POU3F2: variants seen among roughly 807,000 people sequenced by gnomAD.
The protein encoded by POU3F2 is POU domain, class 3, transcription factor 2.
Under a neutral mutation model 33.1 loss-of-function variants are expected in POU3F2, and 11 were observed. The ratio of observed to expected loss-of-function variants is 0.33; its 90% CI spans 0.21 to 0.55. The LOEUF is 0.55. Among genes scored for constraint, POU3F2 ranks in the 20% least tolerant of loss-of-function variants. The pLI is 0.91. For missense variants in POU3F2, 456 were observed against 620.2 expected, an observed-to-expected ratio of 0.74 and a Z score of 2.81; for synonymous variants, 332 against 289.6, an observed-to-expected ratio of 1.15 and a Z score of -1.49.
Position 98,834,661 on chromosome 6 carries a change from A to C in POU3F2, c.-213A>C, listed in dbSNP as rs891875185. ...GAGAAGGAGGGAGAGGAGGAGAAAG[A>C]GAGCGAGGGCGGGCGGGAGGCGGCG... On this transcript the variant is annotated 5_prime_UTR_variant, in exon 1 of 1. Coordinates refer to ENST00000328345, the MANE Select transcript of POU3F2 (RefSeq NM_005604.4). 5.1e-6 allele frequency: 3 copies of C among 592,076 alleles called. No individual in the cohort carries two copies. Among genetic ancestry groups the C allele is most frequent in the Non-Finnish European group, 8.9e-6 (3 of 338,582 alleles). The allele number at this position is 592,076 out of a possible 1,614,324, so 36.7% of individuals were successfully genotyped here. A position where few individuals can be genotyped will look rare whatever the true frequency, so the allele number is the denominator to read the frequency against.
In POU3F2 at chr6:98,834,717, G is replaced by A. The variant is rs1769964922; in HGVS notation, c.-157G>A. On this transcript the variant is annotated 5_prime_UTR_variant, in exon 1 of 1. Coordinates refer to ENST00000328345, the MANE Select transcript of POU3F2 (RefSeq NM_005604.4). ...GGCAGCAGCAGCAGTAATAGCAGGA[G>A]CAGCAACAGAAGGCGTCGGAGCGGG... 6.3e-6 allele frequency: 5 copies of A among 795,862 alleles called. No homozygotes were observed. The highest frequency in any genetic ancestry group is 5.3e-5 in the African/African-American group (3 of 56,184). The allele number at this position is 795,862 out of a possible 1,614,324, so 49.3% of individuals were successfully genotyped here. A position where few individuals can be genotyped will look rare whatever the true frequency, so the allele number is the denominator to read the frequency against.
rs1214059651 is a variant in POU3F2, at chr6:98,837,062, G to T, written c.*857G>T. ...ATGTGCATGGTCTACCCGCTTTATC[G>T]AAGGCAAGAATCCGGTTTGGAATAT... is the stretch of plus-strand genomic sequence containing the variant. On this transcript the variant is annotated 3_prime_UTR_variant, in exon 1 of 1. Coordinates refer to ENST00000328345, the MANE Select transcript of POU3F2 (RefSeq NM_005604.4). The T allele has an allele frequency of 1.8e-5, 3 of 167,010 alleles. No individual in the cohort carries two copies. The highest frequency in any genetic ancestry group is 4.4e-5 in the Non-Finnish European group (3 of 68,118). 10.3% of individuals were successfully genotyped at this position (167,010 alleles called of 1,614,324 possible). A position where few individuals can be genotyped will look rare whatever the true frequency, so the allele number is the denominator to read the frequency against.
In POU3F2 at chr6:98,834,692, G is replaced by C; in HGVS notation, c.-182G>C. ...AGGGCGGGCGGGAGGCGGCGGCGGCGGCAGCAGCAGCAGTAATAGCAGGAG... is the reference window on the plus strand; with the variant it reads ...AGGGCGGGCGGGAGGCGGCGGCGGCCGCAGCAGCAGCAGTAATAGCAGGAG... On this transcript the variant is annotated 5_prime_UTR_variant, in exon 1 of 1. Transcript: ENST00000328345. 1 of 663,274 alleles carries C rather than the reference G, an allele frequency of 1.5e-6. No homozygotes were observed. The highest frequency in any genetic ancestry group is 2.5e-6 in the Non-Finnish European group (1 of 404,012). The allele number at this position is 663,274 out of a possible 1,614,324, so 41.1% of individuals were successfully genotyped here.
At position 98,835,614 on chromosome 6, in the gene POU3F2, T is replaced by A. The variant is rs1480451723; in HGVS notation, c.741T>A (p.Gly247=). Residue 247 remains glycine (G), a synonymous_variant, in exon 1 of 1, where the codon GGT becomes GGA. Transcript: ENST00000328345. This position sits in a 1 kb window ranked among gnomAD's most constrained non-coding sequence, Gnocchi z 9.7. ...CGCCGCCCCCGCCGCCCCCGCAGGG[T>A]CCGCCTGGCCACCCAGGCGCGCACC... is the stretch of plus-strand genomic sequence containing the variant. ...QQPPPPPPPQ[G]PPGHPGAHHD... is the part of the protein sequence containing the mutation. The A allele has an allele frequency of 6.2e-7, 1 of 1,610,976 alleles. No homozygotes were observed.
rs902889532 is a variant in POU3F2 at position 98,838,014 on chromosome 6, A to T, written c.*1809A>T. The T allele has an allele frequency of 1.2e-5, 2 of 167,074 alleles. No homozygotes were observed. The highest frequency in any genetic ancestry group is 4.8e-5 in the African/African-American group (2 of 41,472). The allele number at this position is 167,074 out of a possible 1,614,324, so 10.3% of individuals were successfully genotyped here. On this transcript the variant is annotated 3_prime_UTR_variant, in exon 1 of 1. Coordinates refer to ENST00000328345, the MANE Select transcript of POU3F2 (RefSeq NM_005604.4). Reference sequence around the variant, plus strand: ...TCTCACTACCATAAAATTATGGTTCAGCATCAGATTAGCATTGCACTCAGT... The same window carrying T: ...TCTCACTACCATAAAATTATGGTTCTGCATCAGATTAGCATTGCACTCAGT...
Position 98,836,213 on chromosome 6 carries a change from C to T in POU3F2, c.*8C>T. ...CAGACGCCCGTCCAGTGAACTCGAG[C>T]TGGGGGAGGGGCAGAGCGCGGGGCT... On this transcript the variant is annotated 3_prime_UTR_variant, in exon 1 of 1. Coordinates refer to ENST00000328345, the MANE Select transcript of POU3F2 (RefSeq NM_005604.4). 1 of 1,560,452 alleles carries T rather than the reference C, an allele frequency of 6.4e-7. No individual in the cohort carries two copies. Among genetic ancestry groups the T allele is most frequent in the East Asian group, 2.3e-5 (1 of 42,904 alleles).
Position 98,835,275 on chromosome 6 carries a change from A to G in POU3F2, c.402A>G (p.Gln134=), listed in dbSNP as rs367612148. ...LQQQHQQQQQ[Q]QQQQQQQQQQ... is the part of the protein sequence containing the mutation. ...AGCAGCATCAGCAGCAGCAACAGCA[A>G]CAGCAGCAGCAACAGCAGCAACAGC... Residue 134 remains glutamine, a synonymous_variant, in exon 1 of 1, where the codon CAA becomes CAG. Coordinates refer to ENST00000328345, the MANE Select transcript of POU3F2 (RefSeq NM_005604.4). The surrounding 1 kb of genome is among the most constrained non-coding windows in gnomAD (Gnocchi z 9.7). 11 of 1,544,796 alleles carry G rather than the reference A, an allele frequency of 7.1e-6. No homozygotes were observed. The East Asian group carries it at 7.4e-5, about 10-fold the overall frequency.
At position 98,835,469 on chromosome 6, in the gene POU3F2, G is replaced by T. The variant is rs1360479423; in HGVS notation, c.596G>T (p.Gly199Val). Residue 199 changes from glycine (G) to valine (V), a missense_variant, in exon 1 of 1, where the codon GGC becomes GTC. Gly to Val is a moderately radical substitution (Grantham distance 109). This residue lies in a region of POU3F2 where 341 missense variants were observed against 382.4 expected (regional missense o/e 0.89). Coordinates refer to ENST00000328345, the MANE Select transcript of POU3F2 (RefSeq NM_005604.4). This position sits in a 1 kb window ranked among gnomAD's most constrained non-coding sequence, Gnocchi z 9.7. ...TCGCAGCCCAGCTTCACGGTGAACG[G>T]CATGCTGGGCGCCGGCGGGCAGCCG... The part of the protein sequence containing the change: ...LYSQPSFTVN[G>V]MLGAGGQPAG... 1 of 1,577,970 alleles carries T rather than the reference G, an allele frequency of 6.3e-7. No individual in the cohort carries two copies. Among genetic ancestry groups the T allele is most frequent in the Non-Finnish European group, 8.6e-7 (1 of 1,168,770 alleles).
Position 98,835,269 on chromosome 6 carries a change from A to G in POU3F2, c.396A>G (p.Gln132=), listed in dbSNP as rs546800926. The G allele has an allele frequency of 6.5e-7, 1 of 1,544,530 alleles. No individual in the cohort carries two copies. ...TGCAGCAGCAGCATCAGCAGCAGCAACAGCAACAGCAGCAGCAACAGCAGC... is the reference window on the plus strand; with the variant it reads ...TGCAGCAGCAGCATCAGCAGCAGCAGCAGCAACAGCAGCAGCAACAGCAGC... ...GALQQQHQQQ[Q]QQQQQQQQQQ... Residue 132 remains glutamine, a synonymous_variant, in exon 1 of 1, where the codon CAA becomes CAG. Coordinates refer to ENST00000328345, the MANE Select transcript of POU3F2 (RefSeq NM_005604.4). The surrounding 1 kb of genome is among the most constrained non-coding windows in gnomAD (Gnocchi z 9.7).
chr6:98,834,845 C>T lies in POU3F2; in HGVS notation c.-29C>T, dbSNP rs1409947660. On this transcript the variant is annotated 5_prime_UTR_variant, in exon 1 of 1. Coordinates refer to ENST00000328345, the MANE Select transcript of POU3F2 (RefSeq NM_005604.4). ...ACTGTCAAATGCGCGGCTCCTTTAA[C>T]CGGAGCGCTCAGTCCGGCTCCGAGA... The T allele has an allele frequency of 6.3e-7, 1 of 1,587,712 alleles. No homozygotes were observed. Among genetic ancestry groups the T allele is most frequent in the Non-Finnish European group, 8.5e-7 (1 of 1,173,680 alleles).
At position 98,835,296 on chromosome 6, in the gene POU3F2, A is replaced by ACAGCAGCAACAG; in HGVS notation, c.431_432insACAGCAGCAGCA (p.Gln146_Gln149dup). The stretch of plus-strand genomic sequence containing the variant: ...AGCAACAGCAGCAGCAACAGCAGCA[A>ACAGCAGCAACAG]CAGCAGCAGCAGCAGCAGCAACAGC... On this transcript the variant is annotated inframe_insertion, in exon 1 of 1. Transcript: ENST00000328345. This position sits in a 1 kb window ranked among gnomAD's most constrained non-coding sequence, Gnocchi z 9.7. 2 of 1,544,434 alleles carry ACAGCAGCAACAG rather than the reference A, an allele frequency of 1.3e-6. No individual in the cohort carries two copies. The highest frequency in any genetic ancestry group is 1.7e-6 in the Non-Finnish European group (2 of 1,144,382).
Position 98,835,901 on chromosome 6 carries a change from C to G in POU3F2, c.1028C>G (p.Thr343Arg). 6.2e-7 allele frequency: 1 copy of G among 1,614,164 alleles called. No homozygotes were observed. Among genetic ancestry groups the G allele is most frequent in the Non-Finnish European group, 8.5e-7 (1 of 1,180,044 alleles). ...GCGGACTCGTCCTCGGGCAGCCCCA[C>G]GAGCATAGACAAGATCGCAGCGCAA... ...EEADSSSGSP[T>R]SIDKIAAQGR... The change falls in exon 1 of 1, where the codon ACG (threonine) becomes AGG (arginine). Residue 343 changes from threonine to arginine, a missense_variant. Thr to Arg is a moderately conservative substitution (Grantham distance 71). Transcript: ENST00000328345. The surrounding 1 kb of genome is among the most constrained non-coding windows in gnomAD (Gnocchi z 9.7).
Position 98,836,137 on chromosome 6 carries a change from G to C in POU3F2, c.1264G>C (p.Ala422Pro). ...MTPPGGTLPG[A>P]EDVYGGSRDT... ...CCCTCCCGGAGGGACTCTGCCGGGC[G>C]CCGAGGATGTGTACGGGGGGAGTAG... is the stretch of plus-strand genomic sequence containing the variant. Residue 422 changes from alanine to proline, a missense_variant, in exon 1 of 1, where the codon GCC (alanine) becomes CCC (proline). Coordinates refer to ENST00000328345, the MANE Select transcript of POU3F2 (RefSeq NM_005604.4). The C allele has an allele frequency of 6.2e-7, 1 of 1,604,906 alleles. No individual in the cohort carries two copies. The highest frequency in any genetic ancestry group is 1.1e-5 in the South Asian group (1 of 89,712).
In POU3F2 at chr6:98,835,281, G is replaced by A. The variant is rs1158685368; in HGVS notation, c.408G>A (p.Gln136=). ...ATCAGCAGCAGCAACAGCAACAGCA[G>A]CAGCAACAGCAGCAACAGCAGCAGC... is the stretch of plus-strand genomic sequence containing the variant. ...QQHQQQQQQQ[Q]QQQQQQQQQQ... is the part of the protein sequence containing the mutation. Residue 136 remains glutamine, a synonymous_variant, in exon 1 of 1, where the codon CAG becomes CAA. Coordinates refer to ENST00000328345, the MANE Select transcript of POU3F2 (RefSeq NM_005604.4). This position sits in a 1 kb window ranked among gnomAD's most constrained non-coding sequence, Gnocchi z 9.7. 1.3e-6 allele frequency: 2 copies of A among 1,544,992 alleles called. No individual in the cohort carries two copies. The highest frequency in any genetic ancestry group is 2.5e-5 in the East Asian group (1 of 40,516).
Position 98,835,095 on chromosome 6 carries a change from TGGCGGCGGCGGGGGGGGCGGG to T in POU3F2, c.237_257del (p.Gly82_Gly88del), listed in dbSNP as rs911869813. Reference sequence around the variant, plus strand: ...CCCACGGCGGCGGCGGCGGGGGCGGTGGCGGCGGCGGGGGGGGCGGGGGCGGCGGCGGGGGCGGCGGCGACG... The same window carrying T: ...CCCACGGCGGCGGCGGCGGGGGCGGTGGCGGCGGCGGGGGCGGCGGCGACG... On this transcript the variant is annotated inframe_deletion, in exon 1 of 1. Coordinates refer to ENST00000328345, the MANE Select transcript of POU3F2 (RefSeq NM_005604.4). The surrounding 1 kb of genome is among the most constrained non-coding windows in gnomAD (Gnocchi z 9.7). The T allele has an allele frequency of 2.5e-5, 28 of 1,115,806 alleles. No homozygotes were observed. Among genetic ancestry groups the T allele is most frequent in the Middle Eastern group, 3.6e-4 (1 of 2,812 alleles). The allele number at this position is 1,115,806 out of a possible 1,614,324, so 69.1% of individuals were successfully genotyped here. A position where few individuals can be genotyped will look rare whatever the true frequency, so the allele number is the denominator to read the frequency against.
chr6:98,835,260 G>GCAGCAGCAACAGCAACAGCAGCAGCAA lies in POU3F2; in HGVS notation c.402_428dup (p.Gln141_Gln149dup). On this transcript the variant is annotated inframe_insertion, in exon 1 of 1. Transcript: ENST00000328345. The surrounding 1 kb of genome is among the most constrained non-coding windows in gnomAD (Gnocchi z 9.7). The stretch of plus-strand genomic sequence containing the variant: ...CAGGCGCCCTGCAGCAGCAGCATCA[G>GCAGCAGCAACAGCAACAGCAGCAGCAA]CAGCAGCAACAGCAACAGCAGCAGC... 1 of 1,544,242 alleles carries GCAGCAGCAACAGCAACAGCAGCAGCAA rather than the reference G, an allele frequency of 6.5e-7. No individual in the cohort carries two copies. The highest frequency in any genetic ancestry group is 8.7e-7 in the Non-Finnish European group (1 of 1,144,912).
Position 98,838,711 on chromosome 6 carries a change from G to A in POU3F2, c.*2506G>A, listed in dbSNP as rs1025985483. The A allele has an allele frequency of 3.6e-5, 6 of 164,896 alleles. No individual in the cohort carries two copies. The highest frequency in any genetic ancestry group is 1.2e-4 in the African/African-American group (5 of 41,392). The allele number at this position is 164,896 out of a possible 1,614,324, so 10.2% of individuals were successfully genotyped here. ...TGGTACATTTGGTTGTGCTTGTGGGGAAAATAAAAACGCAGAGATCCTTAT... is the reference window on the plus strand; with the variant it reads ...TGGTACATTTGGTTGTGCTTGTGGGAAAAATAAAAACGCAGAGATCCTTAT... On this transcript the variant is annotated 3_prime_UTR_variant, in exon 1 of 1. Transcript: ENST00000328345.
At position 98,835,745 on chromosome 6, in the gene POU3F2, T is replaced by C; in HGVS notation, c.872T>C (p.Val291Ala). 6.2e-7 allele frequency: 1 copy of C among 1,613,992 alleles called. No homozygotes were observed. Residue 291 changes from valine to alanine, a missense_variant, in exon 1 of 1, where the codon GTG becomes GCG. Val to Ala is a moderately conservative substitution (Grantham distance 64). Coordinates refer to ENST00000328345, the MANE Select transcript of POU3F2 (RefSeq NM_005604.4). The surrounding 1 kb of genome is among the most constrained non-coding windows in gnomAD (Gnocchi z 9.7). ...RIKLGFTQAD[V>A]GLALGTLYGN... is the part of the protein sequence containing the mutation. The stretch of plus-strand genomic sequence containing the variant: ...AAACTGGGATTTACCCAAGCGGACG[T>C]GGGGCTGGCTCTGGGCACCCTGTAT...
At position 98,836,328 on chromosome 6, in the gene POU3F2, C is replaced by G; in HGVS notation, c.*123C>G. On this transcript the variant is annotated 3_prime_UTR_variant, in exon 1 of 1. Coordinates refer to ENST00000328345, the MANE Select transcript of POU3F2 (RefSeq NM_005604.4). ...TCTTTTATTTTTAATTATTATTTCCCCGTCCCTTAAAAAGACAAAAAAAAT... is the reference window on the plus strand; with the variant it reads ...TCTTTTATTTTTAATTATTATTTCCGCGTCCCTTAAAAAGACAAAAAAAAT... The G allele has an allele frequency of 7.9e-7, 1 of 1,271,830 alleles. No homozygotes were observed. Among genetic ancestry groups the G allele is most frequent in the Non-Finnish European group, 1.0e-6 (1 of 960,246 alleles). The allele number at this position is 1,271,830 out of a possible 1,614,324, so 78.8% of individuals were successfully genotyped here. A position where few individuals can be genotyped will look rare whatever the true frequency, so the allele number is the denominator to read the frequency against.
Sources: allele counts gnomAD v4.1 joint callset, GRCh38; gene constraint gnomAD v4.1.1; regional missense constraint gnomAD v4.1.1; non-coding constraint Gnocchi (gnomAD v3.1); transcripts MANE v1.5; gene names NCBI Gene and HGNC (gene_info 2026-07-23, HGNC 2026-07-21).